Variants in SMIM19 observed in about 807,000 individuals in gnomAD.
SMIM19 encodes UPF0697 protein C8orf40.
A neutral mutation model predicts 13.2 loss-of-function variants in SMIM19; 6 were observed. The observed-to-expected ratio is 0.45, with a 90% CI of 0.25 to 0.90. The LOEUF (loss-of-function observed/expected upper bound fraction) is 0.90. Ranked by LOEUF, SMIM19 falls within the 40% of genes least tolerant of loss-of-function variation. SMIM19 has a pLI of 0.19. For missense variants in SMIM19, 138 were observed against 131.0 expected, an observed-to-expected ratio of 1.05 and a Z score of -0.26; for synonymous variants, 46 against 43.1, an observed-to-expected ratio of 1.07 and a Z score of -0.27.
At chr8:42,544,965 T>C (rs1349236939) in intron 1 of SMIM19, among the ~76,000 whole-genome samples, 1 of 152,262 alleles carries the variant, frequency 6.6e-6, no homozygotes, top group African/African-American at 2.4e-5. Flanking sequence ...AATGCCTTCA[T>C]TGTTGTAGGC....
intron 2 of SMIM19, chr8:42,548,300 A>G: frequency 2.3e-6 from 1 of 439,792 alleles, no homozygotes; most frequent in Non-Finnish European, 4.7e-6. Context: ...TCTCCAGCCC[A>G]GTCATTTAGC....
intron 1 of SMIM19, among the ~76,000 whole-genome samples, chr8:42,544,820 A>C (rs372945450): frequency 1.3e-5 from 2 of 152,216 alleles, no homozygotes; most frequent in African/African-American, 2.4e-5. Flanking sequence ...TTTTTCTCAT[A>C]TAGAGGCAAG....
At chr8:42,544,511 T>TGTATTTATATATTTAG (rs1813411549) in intron 1 of SMIM19, among the ~76,000 whole-genome samples, 1 of 52,876 alleles carries the variant, frequency 1.9e-5, no homozygotes, top group Non-Finnish European at 6.0e-5. Context: ...TTGGGTATAG[T>TGTATTTATATATTTAG]CTAGTGTTTA....
chr8:42,546,657 G>C, intron 2 of SMIM19, 51 bp downstream of exon 2: 1 of 1,581,390 alleles, frequency 6.3e-7, no homozygotes, highest in Non-Finnish European at 8.6e-7. Flanking sequence ...TACAAGTTTT[G>C]CTAGTTTAAG....
rs1813764954 is a variant in SMIM19, at chr8:42,554,496, TG to T, written c.*1890del. The T allele has an allele frequency of 2.0e-5, 3 of 152,202 alleles. No individual in the cohort carries two copies. The highest frequency in any genetic ancestry group is 7.2e-5 in the African/African-American group (3 of 41,442). 9.4% of individuals were successfully genotyped at this position (152,202 alleles called of 1,614,324 possible). On this transcript the variant is annotated 3_prime_UTR_variant, in exon 4 of 4. Transcript: ENST00000417410. Reference sequence around the variant, plus strand: ...TTCCTTTGTGTCCACTAGATAGAGATGGTCCTAACTACAAACTAGTAGATTA... The same window carrying T: ...TTCCTTTGTGTCCACTAGATAGAGATGTCCTAACTACAAACTAGTAGATTA...
At chr8:42,549,391 G>A (rs534910815) in intron 3 of SMIM19, among the ~76,000 whole-genome samples, 1 of 151,136 alleles carries the variant, frequency 6.6e-6, no homozygotes, top group African/African-American at 2.4e-5. Flanking sequence ...TAGCCTGGGC[G>A]ACAGAGCAAG....
chr8:42,546,514 T>G lies in SMIM19; in HGVS notation c.42T>G (p.Ile14Met), dbSNP rs775123010. ...GAGTGATGGGTGACGATGGTTCTAT[T>G]GATTATACTGTTCACGAAGCCTGGA... ...GYGVMGDDGSIDYTVHEAWNE... is the reference protein window; with the variant it reads ...GYGVMGDDGSMDYTVHEAWNE... Residue 14 changes from isoleucine (I) to methionine (M), a missense_variant, in exon 2 of 4, where the codon ATT becomes ATG. Ile to Met is a conservative substitution (Grantham distance 10). Coordinates refer to ENST00000417410, the MANE Select transcript of SMIM19 (RefSeq NM_001135674.2). 4.3e-6 allele frequency: 7 copies of G among 1,613,812 alleles called. No homozygotes were observed. The highest frequency in any genetic ancestry group is 4.0e-5 in the African/African-American group (3 of 74,924).
intron 2 of SMIM19, chr8:42,548,275 T>A: frequency 2.4e-6 from 1 of 410,644 alleles, no homozygotes; most frequent in South Asian, 1.7e-5. Context: ...TAGGATCTGC[T>A]CACATTCAGT....
At chr8:42,541,189 G>A (rs916785522), upstream of SMIM19, 3 of 152,100 alleles carry the variant, frequency 2.0e-5, no homozygotes, top group African/African-American at 7.2e-5. Context: ...GGAGGCGCCC[G>A]GCACTCGCAG....
intron 3 of SMIM19, among the ~76,000 whole-genome samples, chr8:42,549,823 G>T (rs1813610056): frequency 6.6e-6 from 1 of 152,124 alleles, no homozygotes; most frequent in African/African-American, 2.4e-5. Context: ...GGGGCCAGGT[G>T]TGATGGCTCA....
At chr8:42,545,989 C>CA (rs908953674) in intron 1 of SMIM19, among the ~76,000 whole-genome samples, 1 of 152,088 alleles carries the variant, frequency 6.6e-6, no homozygotes, top group Non-Finnish European at 1.5e-5. Flanking sequence ...GGCTTTGAAA[C>CA]AAAATCAATA....
chr8:42,546,973 AAAAG>A (rs1296788323), intron 2 of SMIM19, among the ~76,000 whole-genome samples: 1 of 151,784 alleles, frequency 6.6e-6, no homozygotes, highest in Non-Finnish European at 1.5e-5. Flanking sequence ...CTCAGAAAAA[AAAAG>A]AAAGAAATTT....
intron 3 of SMIM19, among the ~76,000 whole-genome samples, chr8:42,552,236 T>G (rs1021688565): frequency 2.0e-5 from 3 of 152,012 alleles, no homozygotes; most frequent in African/African-American, 7.3e-5. Context: ...CTGGGCAACA[T>G]GGCGAGACCC....
intron 3 of SMIM19, among the ~76,000 whole-genome samples, chr8:42,551,985 A>G (rs114630953): frequency 1.8e-3 from 272 of 152,344 alleles, no homozygotes; most frequent in African/African-American, 6.4e-3. Context: ...CTTAATGTTT[A>G]TATTTTAAAG....
At chr8:42,548,569 A>G in intron 2 of SMIM19, 87 bp from the exon 3 acceptor site, 1 of 1,557,260 alleles carries the variant, frequency 6.4e-7, no homozygotes, top group East Asian at 2.3e-5. Flanking sequence ...TCCTTTTACC[A>G]CAGCTTCTGA....
Sources: gnomAD v4.1 joint callset for allele counts (sites outside exome capture counted in the v4.1 genomes callset) on GRCh38, gnomAD v4.1.1 for gene constraint, MANE v1.5 for transcripts, NCBI Gene and HGNC (gene_info 2026-07-23, HGNC 2026-07-21) for gene names.